The following STXBP5L variants were observed in gnomAD, a reference collection of about 807,000 sequenced individuals.
STXBP5L encodes the protein syntaxin-binding protein 5-like.
A neutral mutation model predicts 144.5 loss-of-function variants in STXBP5L; 65 were observed. That is an observed-to-expected ratio of 0.45 (90% CI 0.37 to 0.55). The LOEUF (loss-of-function observed/expected upper bound fraction) is 0.55. Among genes scored for constraint, STXBP5L ranks in the 20% least tolerant of loss-of-function variants. The pLI is 0.00. For missense variants in STXBP5L, 1,298 were observed against 1,405.5 expected, an observed-to-expected ratio of 0.92 and a Z score of 1.22; for synonymous variants, 505 against 469.6, an observed-to-expected ratio of 1.08 and a Z score of -0.97.
At chr3:121,001,678 C>T (rs999570457) in intron 3 of STXBP5L, among the ~76,000 whole-genome samples, 3 of 152,164 alleles carry the variant, frequency 2.0e-5, no homozygotes, top group Admixed American at 6.5e-5. Flanking sequence ...TCTCCAGGAG[C>T]TTCGTGGGGC....
rs776363330 is a variant in STXBP5L at position 120,955,024 on chromosome 3, G to A, written c.274G>A (p.Gly92Ser). ...AATCTTGGCTATTGGGACGAGAACA[G>A]GTGCTATACGAATGTATCCTTAAAT... ...QKILAIGTRT[G>S]AIRILGRPGV... The change falls in exon 3 of 27, where the codon GGT (glycine) becomes AGT (serine). Residue 92 changes from glycine to serine, a missense_variant. Physicochemically the swap from Gly to Ser is moderately conservative, Grantham distance 56. Coordinates refer to ENST00000471454, the MANE Select transcript of STXBP5L (RefSeq NM_001308330.2). 6.2e-7 allele frequency: 1 copy of A among 1,611,830 alleles called. No individual in the cohort carries two copies. Among genetic ancestry groups the A allele is most frequent in the Non-Finnish European group, 8.5e-7 (1 of 1,178,680 alleles).
intron 20 of STXBP5L, among the ~76,000 whole-genome samples, chr3:121,342,430 C>T (rs2203076): frequency 0.79 from 118,268 of 150,562 alleles, 46,678 homozygotes; most frequent in East Asian, 0.93. Flanking sequence ...ATGTGCCATG[C>T]TGGTGCGCTG....
intron 20 of STXBP5L, among the ~76,000 whole-genome samples, chr3:121,322,427 G>A (rs1009042459): frequency 6.8e-6 from 1 of 147,218 alleles, no homozygotes; most frequent in African/African-American, 2.5e-5. Context: ...GTGGTGAGCT[G>A]AGATAGTACC....
At chr3:121,184,498 G>A (rs1291595853) in intron 9 of STXBP5L, among the ~76,000 whole-genome samples, 1 of 151,750 alleles carries the variant, frequency 6.6e-6, no homozygotes, top group Non-Finnish European at 1.5e-5. Context: ...AATAAAGTGT[G>A]AAGACAAGAT....
At chr3:121,006,722 A>G (rs1445149654) in intron 3 of STXBP5L, among the ~76,000 whole-genome samples, 1 of 152,150 alleles carries the variant, frequency 6.6e-6, no homozygotes, top group African/African-American at 2.4e-5. Context: ...TGCCTCCTTC[A>G]GGAGCTCTTT....
In STXBP5L at chr3:121,094,719, C is replaced by CT. The variant is rs1667147089; in HGVS notation, c.471-20204dup. Among the ~76,000 whole-genome samples the CT allele has an allele frequency of 5.3e-5, 8 of 152,262 alleles. No homozygotes were observed. The South Asian group carries it at 1.7e-3, about 32-fold the overall frequency. On this transcript the variant is annotated intron_variant, in intron 5 of 26. Transcript: ENST00000471454. ...ACAACACACTGATGGGTCTTGACTC[C>CT]TTATCCAATTTGCCAGTCTGTGTCT...
intron 19 of STXBP5L, among the ~76,000 whole-genome samples, chr3:121,316,122 C>G (rs2108525810): frequency 6.6e-6 from 1 of 152,010 alleles, no homozygotes; most frequent in South Asian, 2.1e-4. Flanking sequence ...CTTCTATAGT[C>G]CAAAAAATGT....
At chr3:120,948,918 A>T in intron 2 of STXBP5L, among the ~76,000 whole-genome samples, 1 of 151,686 alleles carries the variant, frequency 6.6e-6, no homozygotes, top group East Asian at 1.9e-4. Context: ...TTCTGAGTAG[A>T]TATCCAATGG....
chr3:121,041,628 T>C, intron 3 of STXBP5L, 72 bp from the exon 4 acceptor site: 1 of 1,120,702 alleles, frequency 8.9e-7, no homozygotes, highest in Non-Finnish European at 1.3e-6. Flanking sequence ...TGTTGATCAA[T>C]AAGTTAGTTT....
intron 19 of STXBP5L, among the ~76,000 whole-genome samples, chr3:121,288,471 A>G (rs1326599182): frequency 6.6e-6 from 1 of 152,182 alleles, no homozygotes; most frequent in African/African-American, 2.4e-5. Context: ...GTGTATAAGC[A>G]TTCTCTTTCA....
At chr3:121,257,645 T>C (rs1005568102) in intron 17 of STXBP5L, among the ~76,000 whole-genome samples, 3 of 152,260 alleles carry the variant, frequency 2.0e-5, no homozygotes, top group South Asian at 2.1e-4. Flanking sequence ...AGTATGTTTA[T>C]GGGGTGTGAT....
In STXBP5L at chr3:120,970,170, A is replaced by G. The variant is rs72966756; in HGVS notation, c.287+15133A>G. On this transcript the variant is annotated intron_variant, in intron 3 of 26. Transcript: ENST00000471454. ...TAACCAGTTATTGTAGTAATTATTG[A>G]TTTTAATAGGTTTTTGTCTTTTAGC... Among the ~76,000 whole-genome samples, 380 of 152,084 alleles carry G rather than the reference A, an allele frequency of 2.5e-3. 2 individuals carry two copies. The highest frequency in any genetic ancestry group is 8.6e-3 in the African/African-American group (357 of 41,516).
chr3:121,343,371 C>T (rs945527688), intron 20 of STXBP5L, among the ~76,000 whole-genome samples: 14 of 152,148 alleles, frequency 9.2e-5, no homozygotes, highest in South Asian at 2.1e-4. Flanking sequence ...CACTCCTATT[C>T]AACATAGTGT....
intron 15 of STXBP5L, among the ~76,000 whole-genome samples, chr3:121,252,867 A>G (rs2050071149): frequency 6.6e-6 from 1 of 152,086 alleles, no homozygotes; most frequent in African/African-American, 2.4e-5. Context: ...GTTTCATGAG[A>G]CTGAAGGTTC....
At chr3:121,070,765 G>A (rs992094327) in intron 5 of STXBP5L, among the ~76,000 whole-genome samples, 3 of 152,124 alleles carry the variant, frequency 2.0e-5, no homozygotes, top group Admixed American at 6.5e-5. Context: ...ACTGAGATGT[G>A]CAGCTTGGCA....
At chr3:121,165,341 G>A (rs1348206674) in intron 9 of STXBP5L, among the ~76,000 whole-genome samples, 1 of 151,936 alleles carries the variant, frequency 6.6e-6, no homozygotes, top group Non-Finnish European at 1.5e-5. Flanking sequence ...ATTCCGCATT[G>A]GGAACTATTT....
intron 3 of STXBP5L, among the ~76,000 whole-genome samples, chr3:121,039,541 T>A (rs1482054479): frequency 6.6e-6 from 1 of 151,974 alleles, no homozygotes; most frequent in Non-Finnish European, 1.5e-5. Flanking sequence ...ATGTTCTTTT[T>A]TCCTTTTTGT....
rs1293270615 is a variant in STXBP5L at position 121,423,619 on chromosome 3, T to A, written c.*4522T>A. 2.0e-5 allele frequency: 3 copies of A among 152,184 alleles called. No individual in the cohort carries two copies. Among genetic ancestry groups the A allele is most frequent in the African/African-American group, 7.2e-5 (3 of 41,448 alleles). The allele number at this position is 152,184 out of a possible 1,614,324, so 9.4% of individuals were successfully genotyped here. A position where few individuals can be genotyped will look rare whatever the true frequency, so the allele number is the denominator to read the frequency against. Reference sequence around the variant, plus strand: ...TGTACATAAGAATCACCTCAGGAAATTTTTAAATTCCCAATTATATTAAAA... The same window carrying A: ...TGTACATAAGAATCACCTCAGGAAAATTTTAAATTCCCAATTATATTAAAA... On this transcript the variant is annotated 3_prime_UTR_variant, in exon 27 of 27. Transcript: ENST00000471454.
chr3:120,924,640 G>C (rs1485355760), intron 2 of STXBP5L: 2 of 152,214 alleles, frequency 1.3e-5, no homozygotes, highest in Non-Finnish European at 2.9e-5. Flanking sequence ...GATTTCCATT[G>C]GTCCTGTTGT....
Sources: gnomAD v4.1 joint callset for allele counts (sites outside exome capture counted in the v4.1 genomes callset) on GRCh38, gnomAD v4.1.1 for gene constraint, MANE v1.5 for transcripts, NCBI Gene and HGNC (gene_info 2026-07-23, HGNC 2026-07-21) for gene names.